SMAP1: variants seen among roughly 807,000 people sequenced by gnomAD.
SMAP1 encodes the protein stromal membrane-associated protein 1.
In SMAP1, 24 loss-of-function variants were observed where a neutral mutation model predicts 58.5. The observed-to-expected ratio is 0.41, with a 90% CI of 0.30 to 0.58. The LOEUF (loss-of-function observed/expected upper bound fraction) is 0.58. Among genes scored for constraint, SMAP1 ranks in the 20% least tolerant of loss-of-function variants. The pLI is 0.29. For synonymous variants in SMAP1, 216 were observed against 196.6 expected, an observed-to-expected ratio of 1.10 and a Z score of -0.82; for missense variants, 563 against 566.3, an observed-to-expected ratio of 0.99 and a Z score of 0.06.
chr6:70,754,912 G>A (rs1766422588), intron 2 of SMAP1, 68 bp from the exon 3 acceptor site: 1 of 849,442 alleles, frequency 1.2e-6, no homozygotes, highest in Non-Finnish European at 2.0e-6. Flanking sequence ...ATGTATGTAT[G>A]TGTATGTATG....
chr6:70,785,011 C>T (rs944696750), intron 4 of SMAP1, among the ~76,000 whole-genome samples: 25 of 152,108 alleles, frequency 1.6e-4, no homozygotes, highest in Non-Finnish European at 2.6e-4. Flanking sequence ...TTTTTTTCAG[C>T]ACCACACCAC....
At chr6:70,818,241 CA>C (rs34322746) in intron 6 of SMAP1, among the ~76,000 whole-genome samples, 2,071 of 127,280 alleles carry the variant, frequency 0.016, 36 homozygotes, top group African/African-American at 0.042. Context: ...TAAAAAATTA[CA>C]AAAAAAAAAA....
chr6:70,769,475 C>G (rs1420507049), intron 3 of SMAP1, among the ~76,000 whole-genome samples: 1 of 152,172 alleles, frequency 6.6e-6, no homozygotes, highest in Non-Finnish European at 1.5e-5. Context: ...GTTAGCTCTT[C>G]TTGTTGAATT....
chr6:70,756,071 A>G (rs1766477636), intron 3 of SMAP1, among the ~76,000 whole-genome samples: 1 of 152,066 alleles, frequency 6.6e-6, no homozygotes, highest in African/African-American at 2.4e-5. Flanking sequence ...TATGTTTTCT[A>G]AATATAAAAT....
chr6:70,858,062 G>A lies in SMAP1; in HGVS notation c.1102G>A (p.Val368Met). The A allele has an allele frequency of 6.2e-7, 1 of 1,614,124 alleles. No homozygotes were observed. Among genetic ancestry groups the A allele is most frequent in the African/African-American group, 1.3e-5 (1 of 75,034 alleles). ...NVMGQSPSMM[V>M]GMPMPNGFMG... Reference sequence around the variant, plus strand: ...GATGGGACAGAGTCCAAGCATGATGGTGGGCATGCCCATGCCCAATGGGTT... The same window carrying A: ...GATGGGACAGAGTCCAAGCATGATGATGGGCATGCCCATGCCCAATGGGTT... Residue 368 changes from valine to methionine, a missense_variant, in exon 10 of 11, where the codon GTG (valine) becomes ATG (methionine). Physicochemically the swap from Val to Met is conservative, Grantham distance 21. Around this residue, in one of 3 missense-constraint regions of SMAP1, gnomAD observed 494 missense variants for 473.8 expected, o/e 1.04. Transcript: ENST00000370455.
intron 1 of SMAP1, among the ~76,000 whole-genome samples, chr6:70,712,779 TTTTTCTTTTTTTC>T (rs1247950216): frequency 0.011 from 1,599 of 150,482 alleles, 21 homozygotes; most frequent in African/African-American, 0.037. Flanking sequence ...TTTCTTTTCT[TTTTTCTTTTTTTC>T]TTTTCTTTTT....
intron 1 of SMAP1, among the ~76,000 whole-genome samples, chr6:70,670,081 T>A (rs1447716732): frequency 2.0e-5 from 3 of 152,206 alleles, no homozygotes; most frequent in Non-Finnish European, 4.4e-5. Flanking sequence ...AGTGTTTGTA[T>A]TGCCACGGAA....
At chr6:70,750,234 TAAAA>T (rs1562132666) in intron 2 of SMAP1, among the ~76,000 whole-genome samples, 1 of 152,120 alleles carries the variant, frequency 6.6e-6, no homozygotes, top group African/African-American at 2.4e-5. Flanking sequence ...AGTGATTTTT[TAAAA>T]AAATATTTAC....
At chr6:70,762,051 C>T (rs1212068877) in intron 3 of SMAP1, among the ~76,000 whole-genome samples, 10 of 152,024 alleles carry the variant, frequency 6.6e-5, no homozygotes, top group Middle Eastern at 3.2e-3. Flanking sequence ...TGAGGCTGTA[C>T]ATTGGAGACT....
At chr6:70,812,908 A>G (rs1377501926) in intron 6 of SMAP1, among the ~76,000 whole-genome samples, 1 of 152,096 alleles carries the variant, frequency 6.6e-6, no homozygotes, top group Non-Finnish European at 1.5e-5. Context: ...AACAAGGTCT[A>G]CATCTCCTTC....
At chr6:70,822,312 C>T (rs1447613806) in intron 6 of SMAP1, among the ~76,000 whole-genome samples, 20 of 152,126 alleles carry the variant, frequency 1.3e-4, no homozygotes, top group Admixed American at 6.5e-4. Context: ...TATATTATTT[C>T]GTAGTCCTCA....
At chr6:70,788,996 C>A (rs941351898) in intron 4 of SMAP1, among the ~76,000 whole-genome samples, 1 of 152,112 alleles carries the variant, frequency 6.6e-6, no homozygotes, top group East Asian at 1.9e-4. Context: ...AAAGAAGACT[C>A]GAGTACCTAG....
At chr6:70,847,950 C>A (rs1771053873) in intron 7 of SMAP1, among the ~76,000 whole-genome samples, 1 of 152,040 alleles carries the variant, frequency 6.6e-6, no homozygotes, top group South Asian at 2.1e-4. Flanking sequence ...CAAGGTATAA[C>A]CCATGCTGAT....
intron 7 of SMAP1, among the ~76,000 whole-genome samples, chr6:70,849,044 G>A (rs936439718): frequency 1.3e-5 from 2 of 152,228 alleles, no homozygotes; most frequent in African/African-American, 2.4e-5. Flanking sequence ...AGAAGATGGA[G>A]TAGAGACAAA....
At chr6:70,769,130 T>C (rs985563122) in intron 3 of SMAP1, among the ~76,000 whole-genome samples, 19 of 152,188 alleles carry the variant, frequency 1.2e-4, no homozygotes, top group Non-Finnish European at 2.5e-4. Context: ...TCGTTATAAT[T>C]TCTGATCTTT....
At chr6:70,802,934 C>T (rs1298248632) in intron 6 of SMAP1, among the ~76,000 whole-genome samples, 1 of 152,070 alleles carries the variant, frequency 6.6e-6, no homozygotes, top group African/African-American at 2.4e-5. Flanking sequence ...ATTTTCGCAT[C>T]GATGTTCATC....
chr6:70,750,150 T>C (rs1304804603), intron 2 of SMAP1, among the ~76,000 whole-genome samples: 1 of 152,200 alleles, frequency 6.6e-6, no homozygotes, highest in Non-Finnish European at 1.5e-5. Flanking sequence ...TATTTCAAGG[T>C]TCTGTTTTCA....
At chr6:70,796,765 A>G (rs1218330699) in intron 5 of SMAP1, among the ~76,000 whole-genome samples, 4 of 152,190 alleles carry the variant, frequency 2.6e-5, no homozygotes, top group African/African-American at 9.7e-5. Flanking sequence ...CTTTTGACAT[A>G]TGCTCTTCTG....
At chr6:70,750,432 A>G (rs753357269) in intron 2 of SMAP1, among the ~76,000 whole-genome samples, 6 of 152,212 alleles carry the variant, frequency 3.9e-5, no homozygotes, top group Non-Finnish European at 7.3e-5. Context: ...GACAGCCCCA[A>G]TTCTCTTCAG....
Sources: allele counts gnomAD v4.1 joint callset (sites outside exome capture counted in the v4.1 genomes callset), GRCh38; gene constraint gnomAD v4.1.1; regional missense constraint gnomAD v4.1.1; transcripts MANE v1.5; gene names NCBI Gene and HGNC (gene_info 2026-07-23, HGNC 2026-07-21).